PIBF1: variants seen among roughly 807,000 people sequenced by gnomAD.
PIBF1 encodes progesterone-induced-blocking factor 1.
In PIBF1, 90 loss-of-function variants were observed where a neutral mutation model predicts 112.5. The ratio of observed to expected loss-of-function variants is 0.80; its 90% CI spans 0.67 to 0.95. The LOEUF (loss-of-function observed/expected upper bound fraction) is 0.95, where lower values mean the gene tolerates loss of function less well. PIBF1 is among the 40% of genes least tolerant of loss of function. The pLI, the probability that PIBF1 is intolerant of heterozygous loss-of-function variation, is 0.00. For missense variants in PIBF1, 915 were observed against 852.3 expected, an observed-to-expected ratio of 1.07 and a Z score of -0.92; for synonymous variants, 301 against 288.6, an observed-to-expected ratio of 1.04 and a Z score of -0.44.
At chr13:72,950,101 A>G (rs1259838344) in intron 14 of PIBF1, among the ~76,000 whole-genome samples, 1 of 152,104 alleles carries the variant, frequency 6.6e-6, no homozygotes. Flanking sequence ...GTATCCCCAT[A>G]TTTTTGTCCT....
At chr13:72,901,132 A>T (rs2040468782) in intron 11 of PIBF1, 1 of 417,908 alleles carries the variant, frequency 2.4e-6, no homozygotes, top group East Asian at 8.1e-5. Flanking sequence ...CAGACAACCC[A>T]CAAAGTGGGA....
intron 14 of PIBF1, among the ~76,000 whole-genome samples, chr13:72,947,569 G>A (rs563988099): frequency 1.3e-5 from 2 of 152,244 alleles, no homozygotes; most frequent in South Asian, 4.1e-4. Context: ...ATATTGGCAG[G>A]CTGCAAATTT....
chr13:72,957,365 A>T (rs1487329854), intron 14 of PIBF1, among the ~76,000 whole-genome samples: 1 of 152,196 alleles, frequency 6.6e-6, no homozygotes, highest in Non-Finnish European at 1.5e-5. Context: ...GCATTCACAC[A>T]ACCTGGATGG....
intron 17 of PIBF1, among the ~76,000 whole-genome samples, chr13:73,015,021 A>G (rs1249416161): frequency 6.6e-6 from 1 of 152,172 alleles, no homozygotes; most frequent in Non-Finnish European, 1.5e-5. Flanking sequence ...CCTGACCTCA[A>G]GTGATCCACT....
chr13:72,910,083 C>T (rs2040844228), intron 12 of PIBF1, among the ~76,000 whole-genome samples: 2 of 152,012 alleles, frequency 1.3e-5, no homozygotes, highest in South Asian at 2.1e-4. Context: ...TTATTTTAGG[C>T]ACATTTTTGC....
chr13:72,835,178 G>A (rs940166031), intron 8 of PIBF1, 65 bp from the exon 9 acceptor site: 37 of 1,200,688 alleles, frequency 3.1e-5, no homozygotes, highest in South Asian at 1.2e-4. Flanking sequence ...AAAATCTTAC[G>A]TACAGTGCAA....
chr13:72,861,797 C>G (rs2038709942), intron 10 of PIBF1, among the ~76,000 whole-genome samples: 1 of 151,940 alleles, frequency 6.6e-6, no homozygotes, highest in South Asian at 2.1e-4. Flanking sequence ...AACTCCTGAC[C>G]TCAAGTGATC....
chr13:72,923,613 A>G (rs2041373567), intron 13 of PIBF1, among the ~76,000 whole-genome samples: 2 of 152,202 alleles, frequency 1.3e-5, no homozygotes, highest in Admixed American at 1.3e-4. Flanking sequence ...TTCTACACCA[A>G]AAATAACATT....
chr13:72,827,580 A>G (rs1200493384), intron 7 of PIBF1, among the ~76,000 whole-genome samples, 153 bp from the exon 8 acceptor site: 1 of 152,134 alleles, frequency 6.6e-6, no homozygotes, highest in East Asian at 1.9e-4. Context: ...CTATTTTTAG[A>G]TTTTAAAAAA....
At chr13:72,825,556 G>A (rs1228101159) in intron 6 of PIBF1, among the ~76,000 whole-genome samples, 2 of 152,162 alleles carry the variant, frequency 1.3e-5, no homozygotes, top group African/African-American at 4.8e-5. Context: ...TGTTTGGTGG[G>A]ATCTGCAACA....
At chr13:72,954,540 G>A (rs564667912) in intron 14 of PIBF1, among the ~76,000 whole-genome samples, 4 of 152,344 alleles carry the variant, frequency 2.6e-5, no homozygotes, top group Non-Finnish European at 5.9e-5. Context: ...CTGGTAGTGC[G>A]TGCAAAGCAC....
intron 10 of PIBF1, among the ~76,000 whole-genome samples, chr13:72,879,562 G>A (rs1025531220): frequency 9.2e-5 from 14 of 152,178 alleles, no homozygotes; most frequent in Non-Finnish European, 1.9e-4. Flanking sequence ...TTTTTAGAAT[G>A]ACAACTATAG....
intron 8 of PIBF1, among the ~76,000 whole-genome samples, chr13:72,829,427 C>A (rs992255564): frequency 1.3e-5 from 2 of 152,112 alleles, no homozygotes; most frequent in African/African-American, 2.4e-5. Context: ...ACATTTAAGT[C>A]TTTGATTCAT....
In PIBF1 at chr13:72,973,655, C is replaced by A; in HGVS notation, c.2029C>A (p.Gln677Lys). Residue 677 changes from glutamine (Q) to lysine (K), a missense_variant, in exon 16 of 18, where the codon CAA becomes AAA. By Grantham distance (53) the Gln-to-Lys change is moderately conservative (BLOSUM62 1). Transcript: ENST00000326291. ...TKNQMALDLE[Q>K]LLNHREELAA... ...GAATCAAATGGCATTAGATTTAGAA[C>A]AACTTCTAAATCATCGTGAGGTATT... 1 of 1,558,660 alleles carries A rather than the reference C, an allele frequency of 6.4e-7. No individual in the cohort carries two copies. Among genetic ancestry groups the A allele is most frequent in the African/African-American group, 1.4e-5 (1 of 72,922 alleles).
intron 16 of PIBF1, among the ~76,000 whole-genome samples, chr13:72,979,764 T>C (rs1292532100): frequency 2.0e-5 from 3 of 151,752 alleles, no homozygotes; most frequent in African/African-American, 4.8e-5. Flanking sequence ...CTACTAAAAA[T>C]AGAAAAATTT....
At chr13:72,871,687 G>A (rs549012437) in intron 10 of PIBF1, among the ~76,000 whole-genome samples, 3 of 152,208 alleles carry the variant, frequency 2.0e-5, no homozygotes, top group Admixed American at 6.5e-5. Context: ...GGAAAAATAG[G>A]TTGGAGCTCA....
chr13:72,943,465 A>G (rs2042066031), intron 14 of PIBF1, among the ~76,000 whole-genome samples: 1 of 152,258 alleles, frequency 6.6e-6, no homozygotes, highest in African/African-American at 2.4e-5. Flanking sequence ...CCCTATGCAT[A>G]TAATTATGTA....
chr13:73,004,012 G>A (rs1294276374), intron 17 of PIBF1, among the ~76,000 whole-genome samples: 2 of 152,034 alleles, frequency 1.3e-5, no homozygotes, highest in Non-Finnish European at 2.9e-5. Flanking sequence ...ACTGCACCTG[G>A]CCTGGGTATC....
rs373464768 is a variant in PIBF1, at chr13:72,978,491, G to A, written c.2049+4816G>A. On this transcript the variant is annotated intron_variant, in intron 16 of 17. Transcript: ENST00000326291. ...AAAAAAACTCATGATGAATTATTGC[G>A]TATATTCCAGGAAAATTTTTGCCTC... is the stretch of plus-strand genomic sequence containing the variant. 3.9e-5 allele frequency among the ~76,000 whole-genome samples: 6 copies of A among 152,126 alleles called. No individual in the cohort carries two copies. In the East Asian group the frequency reaches 5.8e-4, roughly 15 times the overall value.
Sources: gnomAD v4.1 joint callset for allele counts (sites outside exome capture counted in the v4.1 genomes callset) on GRCh38, gnomAD v4.1.1 for gene constraint, MANE v1.5 for transcripts, NCBI Gene and HGNC (gene_info 2026-07-23, HGNC 2026-07-21) for gene names.